NXPE2: variants seen among roughly 807,000 people sequenced by gnomAD.
NXPE2 encodes neurexophilin and PC-esterase domain family member 2.
NXPE2 carries 34 observed loss-of-function variants against 34.4 expected under a neutral mutation model. The ratio of observed to expected loss-of-function variants is 0.99; its 90% CI spans 0.75 to 1.31. The LOEUF is 1.31. Among genes scored for constraint, NXPE2 ranks in the 40% most tolerant of loss-of-function variants. NXPE2 has a pLI of 0.00. For synonymous variants in NXPE2, 235 were observed against 231.3 expected (o/e 1.02, Z -0.15); for missense variants, 649 against 672.5 (o/e 0.97, Z 0.39).
chr11:114,799,010 T>C, the NXPE2 span, among the ~76,000 whole-genome samples: 1 of 152,238 alleles, frequency 6.6e-6, no homozygotes, highest in African/African-American at 2.4e-5. Context: ...TTTTGCCTTT[T>C]GTTGCCAAAT....
the NXPE2 span, among the ~76,000 whole-genome samples, chr11:114,544,029 A>G: frequency 1.1e-4 from 17 of 152,352 alleles, 1 homozygote; most frequent in South Asian, 2.9e-3. Flanking sequence ...CTAACAAAAT[A>G]TATACAGGAT....
At chr11:114,554,901 T>C in the NXPE2 span, among the ~76,000 whole-genome samples, 1 of 152,200 alleles carries the variant, frequency 6.6e-6, no homozygotes, top group Non-Finnish European at 1.5e-5. Flanking sequence ...AACCCTAGAA[T>C]AAGACCACTG....
Position 114,678,603 on chromosome 11 carries a change from T to G in NXPE2, c.26+2T>G, listed in dbSNP as rs1049563246. 6 of 1,548,012 alleles carry G rather than the reference T, an allele frequency of 3.9e-6. No individual in the cohort carries two copies. In the African/African-American group the frequency reaches 8.2e-5, roughly 21 times the overall value. ...GGTGGAGAAAATACTCATCCATAGGTGTGGTACTTTCCAACTCTTACTGCC... is the reference window on the plus strand; with the variant it reads ...GGTGGAGAAAATACTCATCCATAGGGGTGGTACTTTCCAACTCTTACTGCC... On this transcript the variant is annotated splice_donor_variant, in intron 1 of 5. Coordinates refer to ENST00000389586, the MANE Select transcript of NXPE2 (RefSeq NM_182495.6). LOFTEE classifies it high-confidence loss of function.
chr11:114,475,807 C>G, the NXPE2 span, among the ~76,000 whole-genome samples: 2 of 152,174 alleles, frequency 1.3e-5, no homozygotes, highest in African/African-American at 4.8e-5. Flanking sequence ...TTCCCACTTT[C>G]AATTATCCAG....
rs117920099 is a variant in NXPE2, at chr11:114,698,265, A to G, written c.353A>G (p.Asn118Ser). The G allele has an allele frequency of 2.5e-6, 4 of 1,613,122 alleles. No individual in the cohort carries two copies. The East Asian group carries it at 6.7e-5, about 27-fold the overall frequency. ...SATHSTATIL[N>S]PQDTYCRGDQ... ...ACACACAGCACAGCCACCATCCTCA[A>G]CCCTCAAGATACGTACTGCAGGGGG... The change falls in exon 3 of 6, where the codon AAC becomes AGC. Residue 118 changes from asparagine to serine, a missense_variant. Asn to Ser is a conservative substitution (Grantham distance 46, BLOSUM62 1). Transcript: ENST00000389586.
At chr11:114,464,507 C>T in the NXPE2 span, among the ~76,000 whole-genome samples, 1 of 152,202 alleles carries the variant, frequency 6.6e-6, no homozygotes, top group African/African-American at 2.4e-5. Flanking sequence ...CAGGACATAA[C>T]CCCATTGTAA....
intron 2 of NXPE2, among the ~76,000 whole-genome samples, chr11:114,686,098 T>C (rs184665175): frequency 4.5e-4 from 68 of 152,270 alleles, no homozygotes; most frequent in Non-Finnish European, 7.8e-4. Flanking sequence ...TCTCTATAAT[T>C]TATTTTTTTC....
the NXPE2 span, among the ~76,000 whole-genome samples, chr11:114,722,305 C>G: frequency 9.9e-4 from 150 of 152,276 alleles, no homozygotes; most frequent in Admixed American, 8.2e-3. Flanking sequence ...TTCCCCTTCT[C>G]ACTCTCTCTT....
chr11:114,558,204 ATG>A, the NXPE2 span, among the ~76,000 whole-genome samples: 27 of 152,118 alleles, frequency 1.8e-4, no homozygotes, highest in African/African-American at 6.0e-4. Flanking sequence ...ATATGTGTTT[ATG>A]TGTGTGTGTA....
At chr11:114,488,375 G>A in the NXPE2 span, among the ~76,000 whole-genome samples, 1 of 151,650 alleles carries the variant, frequency 6.6e-6, no homozygotes, top group Non-Finnish European at 1.5e-5. Flanking sequence ...ATTTATTTAG[G>A]TCTTCTCTCT....
the NXPE2 span, among the ~76,000 whole-genome samples, chr11:114,806,249 A>G: frequency 1.3e-5 from 2 of 152,198 alleles, no homozygotes; most frequent in Non-Finnish European, 2.9e-5. Context: ...TGGGAAAAAA[A>G]CAGAGCAGAA....
the NXPE2 span, among the ~76,000 whole-genome samples, chr11:114,635,419 A>T: frequency 6.6e-6 from 1 of 151,356 alleles, no homozygotes; most frequent in Non-Finnish European, 1.5e-5. Flanking sequence ...AACAGGGACA[A>T]TTTGACTTCC....
At chr11:114,592,779 A>G in the NXPE2 span, among the ~76,000 whole-genome samples, 4 of 152,212 alleles carry the variant, frequency 2.6e-5, no homozygotes, top group African/African-American at 7.2e-5. Flanking sequence ...ACTTCAAAAT[A>G]TACTACAAAG....
chr11:114,657,625 G>A, the NXPE2 span, among the ~76,000 whole-genome samples: 87 of 151,862 alleles, frequency 5.7e-4, no homozygotes, highest in Non-Finnish European at 1.1e-3. Context: ...AAATACTTAG[G>A]AAACTGTAAT....
the NXPE2 span, among the ~76,000 whole-genome samples, chr11:114,774,401 A>C: frequency 6.6e-6 from 1 of 152,178 alleles, no homozygotes; most frequent in African/African-American, 2.4e-5. Flanking sequence ...ATTTCAGTGG[A>C]GAATCTGAAA....
chr11:114,662,663 G>C, the NXPE2 span, among the ~76,000 whole-genome samples: 1 of 152,184 alleles, frequency 6.6e-6, no homozygotes, highest in Admixed American at 6.5e-5. Context: ...GGGGAGGAGA[G>C]GGAAGAGTGG....
the NXPE2 span, among the ~76,000 whole-genome samples, chr11:114,465,718 A>G: frequency 6.6e-6 from 1 of 152,186 alleles, no homozygotes; most frequent in Non-Finnish European, 1.5e-5. Flanking sequence ...AGTCCCAGCT[A>G]CTTGGGAAGC....
chr11:114,613,132 G>A, the NXPE2 span, among the ~76,000 whole-genome samples: 2 of 150,522 alleles, frequency 1.3e-5, no homozygotes, highest in African/African-American at 4.9e-5. Flanking sequence ...TGGATAATAA[G>A]TACTGCCTCA....
upstream of NXPE2, among the ~76,000 whole-genome samples, chr11:114,677,838 T>G (rs1231582628): frequency 6.6e-6 from 1 of 152,104 alleles, no homozygotes; most frequent in African/African-American, 2.4e-5. Flanking sequence ...GCATACTGAG[T>G]GTGGCCCGTG....
Sources: allele counts gnomAD v4.1 joint callset (sites outside exome capture counted in the v4.1 genomes callset), GRCh38; gene constraint gnomAD v4.1.1; transcripts MANE v1.5; gene names NCBI Gene and HGNC (gene_info 2026-07-23, HGNC 2026-07-21).